Variants in SORBS2 observed in about 807,000 individuals in gnomAD.
SORBS2 encodes sorbin and SH3 domain containing 2, also known as sorbin and SH3 domain-containing protein 2.
SORBS2 carries 46 observed loss-of-function variants against 97.7 expected under a neutral mutation model. That is an observed-to-expected ratio of 0.47 (90% CI 0.37 to 0.60). The LOEUF (loss-of-function observed/expected upper bound fraction) is 0.60, where lower values mean the gene tolerates loss of function less well. Among genes scored for constraint, SORBS2 ranks in the 20% least tolerant of loss-of-function variants. The pLI is 0.00. For missense variants in SORBS2, 1,316 were observed against 1,282.3 expected (o/e 1.03, Z -0.40); for synonymous variants, 476 against 473.4 (o/e 1.01, Z -0.07).
chr4:185,798,814 T>C (rs528399364), intron 1 of SORBS2, among the ~76,000 whole-genome samples: 1 of 152,172 alleles, frequency 6.6e-6, no homozygotes, highest in Non-Finnish European at 1.5e-5. Flanking sequence ...AGCAAAGATA[T>C]AAAGTTCTAC....
intron 1 of SORBS2, among the ~76,000 whole-genome samples, chr4:185,854,836 G>A (rs2099219889): frequency 6.6e-6 from 1 of 151,832 alleles, no homozygotes; most frequent in South Asian, 2.1e-4. Flanking sequence ...AGTTTACTGA[G>A]AGAGAACGTG....
chr4:185,760,313 G>T (rs1367800667), intron 2 of SORBS2, among the ~76,000 whole-genome samples: 2 of 152,228 alleles, frequency 1.3e-5, no homozygotes, highest in Non-Finnish European at 2.9e-5. Context: ...TGTAATCCCT[G>T]CACTTTGGGA....
At chr4:185,865,134 T>C (rs1407949926) in intron 1 of SORBS2, among the ~76,000 whole-genome samples, 1 of 152,208 alleles carries the variant, frequency 6.6e-6, no homozygotes, top group Non-Finnish European at 1.5e-5. Flanking sequence ...TGCGTTTTCC[T>C]GTCTTTGATA....
intron 1 of SORBS2, among the ~76,000 whole-genome samples, chr4:185,859,148 G>T (rs1462468244): frequency 6.6e-6 from 1 of 152,172 alleles, no homozygotes. Flanking sequence ...TTGTAAGGAG[G>T]TTTCTGCTGG....
intron 1 of SORBS2, among the ~76,000 whole-genome samples, chr4:185,945,056 C>T (rs757723504): frequency 3.9e-5 from 6 of 152,182 alleles, no homozygotes; most frequent in South Asian, 2.1e-4. Flanking sequence ...CACTATGCAA[C>T]GTGCTCATAT....
intron 1 of SORBS2, among the ~76,000 whole-genome samples, chr4:185,806,190 C>G (rs1430607062): frequency 3.9e-5 from 6 of 152,230 alleles, no homozygotes; most frequent in Non-Finnish European, 8.8e-5. Flanking sequence ...TGTGGTGTTA[C>G]CTCTTCAGAG....
intron 2 of SORBS2, among the ~76,000 whole-genome samples, chr4:185,749,084 T>C (rs907766071): frequency 2.6e-5 from 4 of 152,194 alleles, no homozygotes; most frequent in Non-Finnish European, 4.4e-5. Context: ...AAGAACCTTT[T>C]AGGGAACTCC....
At chr4:185,884,879 C>G (rs913604959) in intron 1 of SORBS2, among the ~76,000 whole-genome samples, 3 of 152,236 alleles carry the variant, frequency 2.0e-5, no homozygotes, top group Non-Finnish European at 2.9e-5. Context: ...ATACTTTATG[C>G]AATGATTTTA....
intron 4 of SORBS2, among the ~76,000 whole-genome samples, chr4:185,664,486 T>C (rs148366992): frequency 5.3e-5 from 8 of 152,288 alleles, no homozygotes; most frequent in Middle Eastern, 3.4e-3. Context: ...CTAAGAACCA[T>C]TGAAGCACAG....
At chr4:185,762,343 CT>C (rs1299237469) in intron 2 of SORBS2, among the ~76,000 whole-genome samples, 1 of 152,152 alleles carries the variant, frequency 6.6e-6, no homozygotes, top group African/African-American at 2.4e-5. Context: ...TGTTCACCAG[CT>C]TCTTGGAAAT....
intron 4 of SORBS2, chr4:185,666,068 C>T: frequency 7.8e-7 from 1 of 1,289,758 alleles, no homozygotes; most frequent in Non-Finnish European, 1.0e-6. Context: ...GAGCTGGTGC[C>T]ACTGCCTGGT....
At chr4:185,663,848 CTTT>C (rs56177449) in intron 4 of SORBS2, among the ~76,000 whole-genome samples, 1,866 of 80,956 alleles carry the variant, frequency 0.023, 11 homozygotes, top group Middle Eastern at 0.04. Flanking sequence ...TAGATTTATT[CTTT>C]TTTTTTTTTT....
intron 2 of SORBS2, among the ~76,000 whole-genome samples, chr4:185,766,590 AT>A (rs2098935442): frequency 6.6e-6 from 1 of 152,194 alleles, no homozygotes; most frequent in Non-Finnish European, 1.5e-5. Flanking sequence ...AAAATTAACA[AT>A]TTGTTCTAAA....
At chr4:185,863,579 T>C (rs1018697103) in intron 1 of SORBS2, among the ~76,000 whole-genome samples, 20 of 152,248 alleles carry the variant, frequency 1.3e-4, no homozygotes, top group Non-Finnish European at 2.1e-4. Flanking sequence ...TTATTCAGTT[T>C]TCAAGTTTTT....
chr4:185,806,077 C>T lies in SORBS2; in HGVS notation c.-337-30711G>A, dbSNP rs1016245512. On this transcript the variant is annotated intron_variant, in intron 1 of 20. Coordinates refer to the SORBS2 transcript ENST00000284776. ...ATAAATATCTGGTATTAAAAAGACCCAGTGAGGCAGAAGTCGCTGACTCCT... is the reference window on the plus strand; with the variant it reads ...ATAAATATCTGGTATTAAAAAGACCTAGTGAGGCAGAAGTCGCTGACTCCT... Among the ~76,000 whole-genome samples, 4 of 152,312 alleles carry T rather than the reference C, an allele frequency of 2.6e-5. No individual in the cohort carries two copies. In the South Asian group the frequency reaches 6.2e-4, roughly 24 times the overall value.
intron 5 of SORBS2, among the ~76,000 whole-genome samples, chr4:185,627,800 C>T (rs115848566): frequency 0.31 from 46,826 of 151,868 alleles, 8,137 homozygotes; most frequent in South Asian, 0.51. Context: ...AAATAGTCTT[C>T]CCGCCATAAA....
intron 1 of SORBS2, among the ~76,000 whole-genome samples, chr4:185,889,182 G>A (rs188166568): frequency 1.2e-4 from 18 of 152,126 alleles, no homozygotes; most frequent in African/African-American, 4.3e-4. Context: ...CATCATTGGC[G>A]CCTCCTCTGG....
intron 1 of SORBS2, among the ~76,000 whole-genome samples, chr4:185,924,749 A>G (rs957316234): frequency 6.6e-6 from 1 of 152,206 alleles, no homozygotes; most frequent in Admixed American, 6.5e-5. Context: ...TCATATAAGC[A>G]GCCACTTTGC....
chr4:185,885,346 A>G (rs2099238876), intron 1 of SORBS2, among the ~76,000 whole-genome samples: 1 of 152,172 alleles, frequency 6.6e-6, no homozygotes, highest in Non-Finnish European at 1.5e-5. Flanking sequence ...CTGTCTTTTC[A>G]TTTTCTCACA....
Sources: gnomAD v4.1 joint callset for allele counts (sites outside exome capture counted in the v4.1 genomes callset) on GRCh38, gnomAD v4.1.1 for gene constraint, MANE v1.5 for transcripts, NCBI Gene and HGNC (gene_info 2026-07-23, HGNC 2026-07-21) for gene names.